DCC: variants seen among roughly 807,000 people sequenced by gnomAD.
DCC encodes the protein netrin receptor DCC.
A neutral mutation model predicts 172.5 loss-of-function variants in DCC; 58 were observed. The observed-to-expected ratio is 0.34, with a 90% CI of 0.27 to 0.42. The LOEUF is 0.42. DCC is among the 10% of genes least tolerant of loss of function. The pLI is 1.00. For synonymous variants in DCC, 709 were observed against 644.5 expected (o/e 1.10, Z -1.52); for missense variants, 1,740 against 1,791.0 (o/e 0.97, Z 0.51).
intron 7 of DCC, among the ~76,000 whole-genome samples, chr18:53,120,003 C>G (rs2043460884): frequency 6.6e-6 from 1 of 151,784 alleles, no homozygotes; most frequent in African/African-American, 2.4e-5. Flanking sequence ...AAATTATATT[C>G]AAGTTATAGT....
intron 8 of DCC, among the ~76,000 whole-genome samples, chr18:53,170,044 A>G (rs911462967): frequency 2.0e-5 from 3 of 152,222 alleles, no homozygotes; most frequent in African/African-American, 7.2e-5. Flanking sequence ...AGGGTGATTA[A>G]AAACTCGTGG....
At chr18:52,494,383 G>A (rs2030659795) in intron 1 of DCC, among the ~76,000 whole-genome samples, 1 of 151,572 alleles carries the variant, frequency 6.6e-6, no homozygotes, top group Non-Finnish European at 1.5e-5. Context: ...TCATTAATCA[G>A]TTTGGAAAGT....
At chr18:52,460,001 A>G (rs554159645) in intron 1 of DCC, among the ~76,000 whole-genome samples, 3 of 151,894 alleles carry the variant, frequency 2.0e-5, no homozygotes, top group Non-Finnish European at 4.4e-5. Context: ...TACTATTGTG[A>G]ATAGTGCTAC....
intron 19 of DCC, among the ~76,000 whole-genome samples, chr18:53,405,196 A>AAC (rs1909582967): frequency 6.6e-6 from 1 of 151,830 alleles, no homozygotes; most frequent in South Asian, 2.1e-4. Flanking sequence ...AAAGTAAAAA[A>AAC]AAAAAAAAAG....
chr18:53,330,618 G>T lies in DCC; in HGVS notation c.2164+8461G>T, dbSNP rs561876847. On this transcript the variant is annotated intron_variant, in intron 14 of 28. Transcript: ENST00000442544. ...CGCTGCTCAGATTCTTCTCCATGTG[G>T]TCCTTCCCTCAGCCTCAAGTGTGAC... is the stretch of plus-strand genomic sequence containing the variant. Among the ~76,000 whole-genome samples, 6 of 152,236 alleles carry T rather than the reference G, an allele frequency of 3.9e-5. No homozygotes were observed. The South Asian group carries it at 6.2e-4, about 16-fold the overall frequency.
intron 12 of DCC, among the ~76,000 whole-genome samples, chr18:53,299,495 A>G (rs905201775): frequency 6.6e-6 from 1 of 152,118 alleles, no homozygotes; most frequent in Non-Finnish European, 1.5e-5. Context: ...CCCTCCGTGA[A>G]CTCCAAATCA....
chr18:52,577,891 T>A (rs1322443913), intron 1 of DCC, among the ~76,000 whole-genome samples: 1 of 152,178 alleles, frequency 6.6e-6, no homozygotes, highest in East Asian at 1.9e-4. Context: ...TGGACAGCGA[T>A]TTAGTGAGCA....
chr18:53,090,255 A>T (rs1207289228), intron 7 of DCC, among the ~76,000 whole-genome samples: 1 of 152,200 alleles, frequency 6.6e-6, no homozygotes, highest in Non-Finnish European at 1.5e-5. Context: ...AGTTATCTAC[A>T]TTAAGTAGCA....
intron 1 of DCC, among the ~76,000 whole-genome samples, chr18:52,342,084 GT>G (rs990775365): frequency 6.6e-6 from 1 of 152,170 alleles, no homozygotes; most frequent in Non-Finnish European, 1.5e-5. Context: ...ATGGCCAAGG[GT>G]TGCGAACGCG....
Position 52,945,428 on chromosome 18 carries a change from GAAAT to G in DCC, c.985+20064_985+20067del, listed in dbSNP as rs1437135178. ...ACTTAAATTTGCATAGTCGTTAGAGGAAATAAATATGCTATCTGGCATATTAGAG... is the reference window on the plus strand; with the variant it reads ...ACTTAAATTTGCATAGTCGTTAGAGGAAATATGCTATCTGGCATATTAGAG... On this transcript the variant is annotated intron_variant, in intron 5 of 28. Coordinates refer to ENST00000442544, the MANE Select transcript of DCC (RefSeq NM_005215.4). 3.3e-5 allele frequency among the ~76,000 whole-genome samples: 5 copies of G among 152,146 alleles called. No homozygotes were observed. The East Asian group carries it at 9.6e-4, about 29-fold the overall frequency.
intron 11 of DCC, among the ~76,000 whole-genome samples, chr18:53,212,816 G>A (rs1435217658): frequency 1.3e-5 from 2 of 152,006 alleles, no homozygotes; most frequent in African/African-American, 4.8e-5. Flanking sequence ...GACTACATGA[G>A]TGTACCCACA....
At chr18:53,310,598 A>G in intron 13 of DCC, among the ~76,000 whole-genome samples, 1 of 152,268 alleles carries the variant, frequency 6.6e-6, no homozygotes, top group African/African-American at 2.4e-5. Context: ...ACTAAATTTT[A>G]AAACGTTTTT....
At chr18:52,987,904 A>G (rs1364927710) in intron 5 of DCC, among the ~76,000 whole-genome samples, 1 of 152,222 alleles carries the variant, frequency 6.6e-6, no homozygotes, top group Non-Finnish European at 1.5e-5. Flanking sequence ...ATTTCATTCT[A>G]CTGAAATAAT....
At chr18:53,529,004 TC>T (rs2046490353) in intron 28 of DCC, among the ~76,000 whole-genome samples, 1 of 66,194 alleles carries the variant, frequency 1.5e-5, no homozygotes, top group Non-Finnish European at 4.1e-5. Context: ...CACTTCAACT[TC>T]TCTCTCTCTC....
intron 1 of DCC, among the ~76,000 whole-genome samples, chr18:52,687,933 T>G (rs1568042371): frequency 6.6e-6 from 1 of 152,136 alleles, no homozygotes; most frequent in Non-Finnish European, 1.5e-5. Flanking sequence ...GACCCTTCAG[T>G]TGTCTTTGAC....
At chr18:53,429,715 T>TA (rs1221487701) in intron 21 of DCC, among the ~76,000 whole-genome samples, 2 of 152,040 alleles carry the variant, frequency 1.3e-5, no homozygotes, top group Non-Finnish European at 2.9e-5. Context: ...AGGTGGAAAA[T>TA]AAAACCAAAG....
At chr18:52,373,504 T>A (rs188697452) in intron 1 of DCC, among the ~76,000 whole-genome samples, 1 of 152,356 alleles carries the variant, frequency 6.6e-6, no homozygotes, top group East Asian at 1.9e-4. Context: ...TTTAAAATTA[T>A]GTTGTTCTTC....
At chr18:52,680,575 C>T (rs2035730665) in intron 1 of DCC, among the ~76,000 whole-genome samples, 1 of 152,026 alleles carries the variant, frequency 6.6e-6, no homozygotes, top group South Asian at 2.1e-4. Context: ...ATATCTTCTC[C>T]ACCATTATAC....
intron 3 of DCC, among the ~76,000 whole-genome samples, chr18:52,908,468 T>C (rs568597389): frequency 1.3e-5 from 2 of 152,334 alleles, no homozygotes; most frequent in South Asian, 4.1e-4. Context: ...ATGCATCTGT[T>C]GAGTATATCA....
Sources: gnomAD v4.1 joint callset for allele counts (sites outside exome capture counted in the v4.1 genomes callset) on GRCh38, gnomAD v4.1.1 for gene constraint, MANE v1.5 for transcripts, NCBI Gene and HGNC (gene_info 2026-07-23, HGNC 2026-07-21) for gene names.